NRCAM: variants seen among roughly 807,000 people sequenced by gnomAD.
The protein encoded by NRCAM is NgCAM-related cell adhesion molecule.
A neutral mutation model predicts 156.5 loss-of-function variants in NRCAM; 83 were observed. That is an observed-to-expected ratio of 0.53 (90% CI 0.44 to 0.64). The LOEUF (loss-of-function observed/expected upper bound fraction) is 0.64. NRCAM is among the 30% of genes least tolerant of loss of function. The probability of loss-of-function intolerance (pLI) is 0.00; values close to 1 mark genes in which losing one functional copy is unlikely to be tolerated. For missense variants in NRCAM, 1,417 were observed against 1,597.3 expected (o/e 0.89, Z 1.92); for synonymous variants, 538 against 563.9 (o/e 0.95, Z 0.65).
At chr7:108,306,356 C>A (rs1053567104) in intron 3 of NRCAM, among the ~76,000 whole-genome samples, 2 of 151,890 alleles carry the variant, frequency 1.3e-5, no homozygotes, top group Non-Finnish European at 1.5e-5. Context: ...TTGCTTTTAC[C>A]AATGTTAAAG....
At chr7:108,411,645 T>C (rs1412642067) in intron 1 of NRCAM, among the ~76,000 whole-genome samples, 1 of 152,156 alleles carries the variant, frequency 6.6e-6, no homozygotes, top group East Asian at 1.9e-4. Flanking sequence ...TTCTCCTGCC[T>C]CAGCCTCTTG....
intron 19 of NRCAM, among the ~76,000 whole-genome samples, chr7:108,190,231 TG>T (rs537496971): frequency 1.3e-5 from 2 of 152,226 alleles, no homozygotes; most frequent in South Asian, 4.1e-4. Context: ...TATTTATATT[TG>T]CGAAAGAATG....
chr7:108,340,629 T>C lies in NRCAM; in HGVS notation c.-173-27898A>G, dbSNP rs554634383. On this transcript the variant is annotated intron_variant, in intron 2 of 32. Coordinates refer to ENST00000379028, the MANE Select transcript of NRCAM (RefSeq NM_001037132.4). ...GGGACACAGAATCAAAACACGGAGA[T>C]TGGTGCCGCAGACATTTGCTAACTT... Among the ~76,000 whole-genome samples the C allele has an allele frequency of 5.9e-5, 9 of 152,170 alleles. No homozygotes were observed. The East Asian group carries it at 1.4e-3, about 23-fold the overall frequency.
At chr7:108,193,946 G>T in intron 17 of NRCAM, 78 bp downstream of exon 17, 2 of 1,396,776 alleles carry the variant, frequency 1.4e-6, no homozygotes, top group South Asian at 1.3e-5. Context: ...CACCATAATT[G>T]ACTACATAGT....
At chr7:108,329,350 T>C (rs1197330697) in intron 2 of NRCAM, among the ~76,000 whole-genome samples, 1 of 152,224 alleles carries the variant, frequency 6.6e-6, no homozygotes, top group Non-Finnish European at 1.5e-5. Context: ...ATAGAAGGTA[T>C]TTCTAAAATG....
intron 3 of NRCAM, among the ~76,000 whole-genome samples, chr7:108,307,263 T>A (rs1282406393): frequency 1.3e-5 from 2 of 152,126 alleles, no homozygotes; most frequent in Non-Finnish European, 2.9e-5. Flanking sequence ...TAAGGAGGCA[T>A]CCCAGGAACA....
At chr7:108,372,167 T>C (rs1339163057) in intron 2 of NRCAM, among the ~76,000 whole-genome samples, 2 of 152,044 alleles carry the variant, frequency 1.3e-5, no homozygotes, top group African/African-American at 2.4e-5. Flanking sequence ...TATCCACAAA[T>C]GAATAAACCT....
chr7:108,436,283 TAA>T (rs1017194776), intron 1 of NRCAM, among the ~76,000 whole-genome samples: 14 of 152,342 alleles, frequency 9.2e-5, no homozygotes, highest in African/African-American at 3.4e-4. Flanking sequence ...GTGAGTTTTA[TAA>T]AGATTCTGAA....
chr7:108,224,235 T>A (rs2092997843), intron 10 of NRCAM, among the ~76,000 whole-genome samples: 1 of 152,118 alleles, frequency 6.6e-6, no homozygotes, highest in Non-Finnish European at 1.5e-5. Flanking sequence ...CTGTCTATCT[T>A]CTGGAAGATG....
chr7:108,449,526 C>T (rs1266826295), intron 1 of NRCAM, among the ~76,000 whole-genome samples: 1 of 152,170 alleles, frequency 6.6e-6, no homozygotes, highest in Non-Finnish European at 1.5e-5. Flanking sequence ...GCTCGCAAGC[C>T]ATCCTTCCTC....
chr7:108,155,099 TATACAC>T (rs1190259763), intron 32 of NRCAM, among the ~76,000 whole-genome samples: 28 of 89,994 alleles, frequency 3.1e-4, no homozygotes, highest in African/African-American at 9.8e-4. Context: ...TATATATATA[TATACAC>T]ACACACACAC....
chr7:108,420,040 G>A (rs905378893), intron 1 of NRCAM, among the ~76,000 whole-genome samples: 1 of 2,510 alleles, frequency 4.0e-4, no homozygotes, highest in African/African-American at 7.1e-4. Context: ...TAGTTCCATC[G>A]TGTGTGTGTG....
intron 3 of NRCAM, among the ~76,000 whole-genome samples, chr7:108,301,803 T>C (rs112302745): frequency 0.01 from 1,523 of 152,236 alleles, 31 homozygotes; most frequent in African/African-American, 0.035. Context: ...CATTTAAAAG[T>C]ATGATTTGGT....
intron 2 of NRCAM, among the ~76,000 whole-genome samples, chr7:108,386,149 A>G (rs189729888): frequency 1.2e-4 from 19 of 152,116 alleles, no homozygotes; most frequent in African/African-American, 4.3e-4. Flanking sequence ...TGAAGGAAGG[A>G]TAGATCATCT....
At chr7:108,214,205 G>C (rs890542533) in intron 11 of NRCAM, among the ~76,000 whole-genome samples, 2 of 152,154 alleles carry the variant, frequency 1.3e-5, no homozygotes, top group African/African-American at 2.4e-5. Context: ...GGTAGAATTT[G>C]GCTGTAAATC....
intron 1 of NRCAM, among the ~76,000 whole-genome samples, chr7:108,418,670 C>A (rs1187489426): frequency 2.6e-5 from 4 of 151,886 alleles, no homozygotes; most frequent in Admixed American, 6.6e-5. Context: ...AGCACGTAAG[C>A]ACTTAGAAAA....
At position 108,340,747 on chromosome 7, in the gene NRCAM, G is replaced by A. The variant is rs150906320; in HGVS notation, c.-173-28016C>T. 5.1e-3 allele frequency among the ~76,000 whole-genome samples: 770 copies of A among 152,252 alleles called. 5 individuals are homozygous for A. Among genetic ancestry groups the A allele is most frequent in the African/African-American group, 0.017 (711 of 41,536 alleles). On this transcript the variant is annotated intron_variant, in intron 2 of 32. Transcript: ENST00000379028. ...ACAGGGTAAGGAAGAAAATCCTACC[G>A]CCTTTCTGGAGAGACTAAGGGAGGC...
intron 2 of NRCAM, among the ~76,000 whole-genome samples, chr7:108,373,960 C>CA (rs1595563018): frequency 6.6e-6 from 1 of 152,008 alleles, no homozygotes; most frequent in East Asian, 1.9e-4. Context: ...ATAGAGAGTA[C>CA]AAAACAACAG....
chr7:108,189,326 A>T (rs2069530197), intron 20 of NRCAM, among the ~76,000 whole-genome samples: 1 of 152,232 alleles, frequency 6.6e-6, no homozygotes, highest in Admixed American at 6.5e-5. Flanking sequence ...GAAATGGGCA[A>T]AATAAACAAC....
Sources: gnomAD v4.1 joint callset for allele counts (sites outside exome capture counted in the v4.1 genomes callset) on GRCh38, gnomAD v4.1.1 for gene constraint, MANE v1.5 for transcripts, NCBI Gene and HGNC (gene_info 2026-07-23, HGNC 2026-07-21) for gene names.